CUL2: variants seen among roughly 807,000 people sequenced by gnomAD.
The protein encoded by CUL2 is cullin-2.
Under a neutral mutation model 110.2 loss-of-function variants are expected in CUL2, and 22 were observed. The ratio of observed to expected loss-of-function variants is 0.20; its 90% CI spans 0.14 to 0.28. CUL2 has a LOEUF of 0.28. Among genes scored for constraint, CUL2 ranks in the 10% least tolerant of loss-of-function variants. The pLI is 1.00. For missense variants in CUL2, 631 were observed against 905.5 expected (o/e 0.70, Z 3.89); for synonymous variants, 279 against 293.2 (o/e 0.95, Z 0.49).
At chr10:35,085,093 C>G (rs925885093) in intron 1 of CUL2, among the ~76,000 whole-genome samples, 15 of 151,940 alleles carry the variant, frequency 9.9e-5, no homozygotes, top group African/African-American at 3.1e-4. Context: ...GCACTCCAGC[C>G]TGGGTGACAG....
At chr10:35,029,816 A>C (rs765235513) in intron 14 of CUL2, among the ~76,000 whole-genome samples, 176 bp from the exon 15 acceptor site, 12 of 152,256 alleles carry the variant, frequency 7.9e-5, no homozygotes, top group Non-Finnish European at 1.6e-4. Flanking sequence ...AAAACCTTTC[A>C]AACTTTCTTT....
At chr10:35,095,821 A>G (rs1017438793) in intron 2 of CUL2, among the ~76,000 whole-genome samples, 4 of 152,114 alleles carry the variant, frequency 2.6e-5, no homozygotes, top group East Asian at 1.9e-4. Flanking sequence ...TCAGCCTCCC[A>G]AAGAGTTGAG....
chr10:35,062,729 C>T (rs934793400), intron 3 of CUL2, among the ~76,000 whole-genome samples: 4 of 151,074 alleles, frequency 2.6e-5, no homozygotes, highest in Non-Finnish European at 4.4e-5. Context: ...CCTAGCTACT[C>T]GGGAGGCTGA....
chr10:35,052,897 A>G (rs963853813), intron 5 of CUL2, among the ~76,000 whole-genome samples: 1 of 151,268 alleles, frequency 6.6e-6, no homozygotes, highest in Non-Finnish European at 1.5e-5. Context: ...TCCGTCTCAA[A>G]AAAAAAAAAG....
At chr10:35,109,797 G>A (rs1441720919) in intron 1 of CUL2, among the ~76,000 whole-genome samples, 2 of 152,224 alleles carry the variant, frequency 1.3e-5, no homozygotes, top group Non-Finnish European at 2.9e-5. Context: ...TGATAGAGAA[G>A]CTCGATTTTA....
At chr10:35,013,847 TAAATA>T (rs750679864) in intron 18 of CUL2, 47 bp from the exon 19 acceptor site, 1 of 1,239,380 alleles carries the variant, frequency 8.1e-7, no homozygotes, top group Non-Finnish European at 1.1e-6. Flanking sequence ...CCAAAATCTT[TAAATA>T]AGAGTTTGCT....
At chr10:35,103,377 C>T (rs936380971) in intron 1 of CUL2, among the ~76,000 whole-genome samples, 116 of 133,782 alleles carry the variant, frequency 8.7e-4, no homozygotes, top group African/African-American at 2.9e-3. Flanking sequence ...CAGGCTGGAG[C>T]GCAGTGGCAC....
intron 2 of CUL2, among the ~76,000 whole-genome samples, chr10:35,063,458 A>C (rs1388126658): frequency 1.3e-5 from 2 of 152,228 alleles, no homozygotes; most frequent in African/African-American, 4.8e-5. Context: ...GGGCTATGGA[A>C]TATGACAAGA....
At position 35,029,477 on chromosome 10, in the gene CUL2, CAT is replaced by C. The variant is rs2085428218; in HGVS notation, c.1539+9_1539+10del. 1.3e-6 allele frequency: 2 copies of C among 1,482,732 alleles called. No individual in the cohort carries two copies. The highest frequency in any genetic ancestry group is 1.8e-6 in the Non-Finnish European group (2 of 1,099,454). The allele number at this position is 1,482,732 out of a possible 1,614,324, so 91.8% of individuals were successfully genotyped here. On this transcript the variant is annotated intron_variant, in intron 15 of 20. Transcript: ENST00000374749. ...ATTAGTAAATGCTCATAGTAAAACA[CAT>C]ATTCATACCTGTAGAACATATATTT... is the stretch of plus-strand genomic sequence containing the variant.
At chr10:35,045,024 T>G (rs2085898486) in intron 6 of CUL2, among the ~76,000 whole-genome samples, 156 bp from the exon 7 acceptor site, 1 of 152,220 alleles carries the variant, frequency 6.6e-6, no homozygotes, top group South Asian at 2.1e-4. Context: ...CAATGATTTT[T>G]TTTATATCAC....
intron 1 of CUL2, among the ~76,000 whole-genome samples, chr10:35,113,181 CA>C (rs71660665): frequency 8.8e-3 from 322 of 36,632 alleles, no homozygotes; most frequent in Admixed American, 0.033. Flanking sequence ...GACTCCATCT[CA>C]AAAAAAAAAA....
At position 35,009,439 on chromosome 10, in the gene CUL2, A is replaced by G. The variant is rs533201417; in HGVS notation, c.*872T>C. 1 of 152,130 alleles carries G rather than the reference A, an allele frequency of 6.6e-6. No individual in the cohort carries two copies. Among genetic ancestry groups the G allele is most frequent in the Non-Finnish European group, 1.5e-5 (1 of 67,996 alleles). The allele number at this position is 152,130 out of a possible 1,614,324, so 9.4% of individuals were successfully genotyped here. ...ATCATAGATTTCCTAAGACTCAGGG[A>G]AGGCCACAGAGCTAGGGTACTAGTC... On this transcript the variant is annotated 3_prime_UTR_variant, in exon 21 of 21. Coordinates refer to ENST00000374749, the MANE Select transcript of CUL2 (RefSeq NM_003591.4).
At chr10:35,024,335 T>G (rs2085285424) in intron 17 of CUL2, among the ~76,000 whole-genome samples, 1 of 152,162 alleles carries the variant, frequency 6.6e-6, no homozygotes. Flanking sequence ...CCAAGTATCA[T>G]AGTTACTTGG....
chr10:35,108,885 A>G (rs2087495670), intron 1 of CUL2, among the ~76,000 whole-genome samples: 1 of 152,164 alleles, frequency 6.6e-6, no homozygotes, highest in African/African-American at 2.4e-5. Flanking sequence ...TCATACAGAA[A>G]TCTGATGTTT....
At chr10:35,116,762 T>G (rs1014313162) in intron 1 of CUL2, among the ~76,000 whole-genome samples, 2 of 152,086 alleles carry the variant, frequency 1.3e-5, no homozygotes, top group African/African-American at 4.8e-5. Context: ...GTCAAGAGAT[T>G]GAGACCATCC....
chr10:35,028,539 T>C (rs1172833447), intron 16 of CUL2, among the ~76,000 whole-genome samples: 1 of 152,232 alleles, frequency 6.6e-6, no homozygotes, highest in Non-Finnish European at 1.5e-5. Flanking sequence ...ATTTTTATAA[T>C]TTAAAACTGC....
intron 2 of CUL2, among the ~76,000 whole-genome samples, chr10:35,068,357 G>A (rs1313071742): frequency 6.6e-6 from 1 of 152,140 alleles, no homozygotes; most frequent in African/African-American, 2.4e-5. Flanking sequence ...GGGAGGTGGA[G>A]GCTGCAATGA....
chr10:35,073,717 G>C (rs563943910), intron 1 of CUL2, among the ~76,000 whole-genome samples: 2 of 151,574 alleles, frequency 1.3e-5, no homozygotes, highest in African/African-American at 2.4e-5. Context: ...TGATTCTCCA[G>C]CCTCAGCCTC....
chr10:35,064,222 C>G (rs1284245278), intron 2 of CUL2: 2 of 152,056 alleles, frequency 1.3e-5, no homozygotes, highest in Non-Finnish European at 2.9e-5. Context: ...GATAAAGGAC[C>G]TATGAGCAAC....
Sources: allele counts gnomAD v4.1 joint callset (sites outside exome capture counted in the v4.1 genomes callset), GRCh38; gene constraint gnomAD v4.1.1; transcripts MANE v1.5; gene names NCBI Gene and HGNC (gene_info 2026-07-23, HGNC 2026-07-21).